Variants in STAU2 observed in about 807,000 individuals in gnomAD.
STAU2 encodes double-stranded RNA-binding protein Staufen homolog 2.
Under a neutral mutation model 65.9 loss-of-function variants are expected in STAU2, and 20 were observed. The observed-to-expected ratio is 0.30, with a 90% CI of 0.21 to 0.44. The LOEUF is 0.44. Among genes scored for constraint, STAU2 ranks in the 20% least tolerant of loss-of-function variants. The pLI is 1.00. For missense variants in STAU2, 558 were observed against 683.9 expected (o/e 0.82, Z 2.05); for synonymous variants, 232 against 233.9 (o/e 0.99, Z 0.07).
At chr8:73,718,265 T>A (rs1253079790) in intron 3 of STAU2, among the ~76,000 whole-genome samples, 1 of 152,200 alleles carries the variant, frequency 6.6e-6, no homozygotes, top group African/African-American at 2.4e-5. Flanking sequence ...AACTCCTGCC[T>A]GAATAAAGCT....
At chr8:73,539,489 T>TA (rs1336572530) in intron 13 of STAU2, among the ~76,000 whole-genome samples, 1 of 151,610 alleles carries the variant, frequency 6.6e-6, no homozygotes, top group South Asian at 2.1e-4. Context: ...TTACGCAAAA[T>TA]AAAAAAAAAT....
At chr8:73,725,248 A>T (rs1340378013) in intron 3 of STAU2, among the ~76,000 whole-genome samples, 1 of 152,036 alleles carries the variant, frequency 6.6e-6, no homozygotes, top group Non-Finnish European at 1.5e-5. Context: ...ATCTTCTTTT[A>T]GACTGATTAT....
intron 5 of STAU2, among the ~76,000 whole-genome samples, chr8:73,680,841 G>C (rs949868578): frequency 1.3e-5 from 2 of 151,634 alleles, no homozygotes; most frequent in African/African-American, 2.4e-5. Context: ...TTCAACAATA[G>C]AATCAAACAA....
chr8:73,616,659 G>A (rs537072323), intron 7 of STAU2, among the ~76,000 whole-genome samples: 6 of 152,164 alleles, frequency 3.9e-5, no homozygotes, highest in African/African-American at 4.8e-5. Context: ...TTAGCTGGGC[G>A]TGGTAGCATG....
chr8:73,510,755 C>A (rs144071745), intron 13 of STAU2, among the ~76,000 whole-genome samples: 1,532 of 152,312 alleles, frequency 0.01, 12 homozygotes, highest in Non-Finnish European at 0.015. Flanking sequence ...AACTCACTCA[C>A]ATCATGAGAA....
intron 10 of STAU2, among the ~76,000 whole-genome samples, chr8:73,596,529 A>G (rs1381362088): frequency 6.6e-6 from 1 of 152,198 alleles, no homozygotes; most frequent in African/African-American, 2.4e-5. Context: ...TAAGTGATTG[A>G]AGAAGTAGTT....
intron 13 of STAU2, among the ~76,000 whole-genome samples, chr8:73,469,838 T>G (rs1166245663): frequency 6.6e-6 from 1 of 152,082 alleles, no homozygotes; most frequent in Non-Finnish European, 1.5e-5. Context: ...ACCCAGGAAA[T>G]ATGGGAAACC....
intron 5 of STAU2, among the ~76,000 whole-genome samples, chr8:73,685,641 G>A (rs1818750715): frequency 6.6e-6 from 1 of 152,112 alleles, no homozygotes; most frequent in African/African-American, 2.4e-5. Flanking sequence ...CTCCCAAAGT[G>A]CTGGGATTAC....
chr8:73,706,800 G>C (rs1425935159), intron 4 of STAU2, among the ~76,000 whole-genome samples: 2 of 152,136 alleles, frequency 1.3e-5, no homozygotes, highest in African/African-American at 4.8e-5. Context: ...GAAATAAGAA[G>C]AGACCCACTG....
intron 2 of STAU2, 78 bp from the exon 3 acceptor site, chr8:73,738,427 G>A (rs1806598948): frequency 3.1e-6 from 3 of 957,064 alleles, no homozygotes; most frequent in Non-Finnish European, 4.6e-6. Flanking sequence ...ACATGCCCTT[G>A]ATCAAAATCA....
intron 10 of STAU2, among the ~76,000 whole-genome samples, chr8:73,603,394 ATTCCATG>A (rs1277300677): frequency 2.0e-5 from 3 of 152,158 alleles, no homozygotes; most frequent in Admixed American, 1.3e-4. Context: ...TTTGTTTCTA[ATTCCATG>A]TGTCTCCAAT....
At chr8:73,615,140 ATTTT>A (rs746592331) in intron 8 of STAU2, among the ~76,000 whole-genome samples, 7 of 152,036 alleles carry the variant, frequency 4.6e-5, no homozygotes, top group Non-Finnish European at 8.8e-5. Context: ...TATAATAATT[ATTTT>A]TTTAAGTTTT....
At chr8:73,696,895 A>G (rs1224619661) in intron 4 of STAU2, among the ~76,000 whole-genome samples, 1 of 152,236 alleles carries the variant, frequency 6.6e-6, no homozygotes, top group Non-Finnish European at 1.5e-5. Flanking sequence ...TAGAACACCA[A>G]GCAGATTTAA....
intron 13 of STAU2, among the ~76,000 whole-genome samples, chr8:73,538,587 A>G (rs1806328644): frequency 6.6e-6 from 1 of 151,974 alleles, no homozygotes; most frequent in African/African-American, 2.4e-5. Flanking sequence ...GTACAGAAAA[A>G]ATTTCTAGTA....
chr8:73,561,082 G>C (rs1808191270), intron 12 of STAU2, among the ~76,000 whole-genome samples: 1 of 152,092 alleles, frequency 6.6e-6, no homozygotes, highest in African/African-American at 2.4e-5. Context: ...CCCAAAGTGA[G>C]TCATGCAAAT....
At chr8:73,644,120 C>T (rs577246926) in intron 6 of STAU2, among the ~76,000 whole-genome samples, 1 of 152,114 alleles carries the variant, frequency 6.6e-6, no homozygotes, top group Non-Finnish European at 1.5e-5. Context: ...TCAGACTAAA[C>T]ATCAATAACA....
At chr8:73,729,637 T>C (rs750484933) in intron 3 of STAU2, among the ~76,000 whole-genome samples, 23 of 152,142 alleles carry the variant, frequency 1.5e-4, no homozygotes, top group Admixed American at 1.3e-4. Context: ...TGGAGTGCAA[T>C]GGCATAATCA....
chr8:73,455,236 G>T (rs1818999350), intron 13 of STAU2, among the ~76,000 whole-genome samples: 1 of 152,134 alleles, frequency 6.6e-6, no homozygotes, highest in Non-Finnish European at 1.5e-5. Context: ...TCTATCTAGA[G>T]ACTCACAGCT....
At chr8:73,627,842 A>T (rs1813804170) in intron 6 of STAU2, among the ~76,000 whole-genome samples, 1 of 151,674 alleles carries the variant, frequency 6.6e-6, no homozygotes, top group Non-Finnish European at 1.5e-5. Flanking sequence ...AGTTCCAGCT[A>T]CTAGATCTAT....
Sources: gnomAD v4.1 joint callset for allele counts (sites outside exome capture counted in the v4.1 genomes callset) on GRCh38, gnomAD v4.1.1 for gene constraint, MANE v1.5 for transcripts, NCBI Gene and HGNC (gene_info 2026-07-23, HGNC 2026-07-21) for gene names.